The following DAB2IP variants were observed in gnomAD, a reference collection of about 807,000 sequenced individuals.
DAB2IP encodes the protein DAB2 interacting protein, also known as disabled homolog 2-interacting protein.
DAB2IP carries 28 observed loss-of-function variants against 107.2 expected under a neutral mutation model. That is an observed-to-expected ratio of 0.26 (90% CI 0.19 to 0.36). The LOEUF (loss-of-function observed/expected upper bound fraction) is 0.36. Ranked by LOEUF, DAB2IP falls within the 10% of genes least tolerant of loss-of-function variation. The pLI, the probability that DAB2IP is intolerant of heterozygous loss-of-function variation, is 1.00. For synonymous variants in DAB2IP, 755 were observed against 706.4 expected (o/e 1.07, Z -1.09); for missense variants, 1,400 against 1,644.7 (o/e 0.85, Z 2.57).
chr9:121,618,557 C>T (rs760933436), intron 1 of DAB2IP, among the ~76,000 whole-genome samples: 3 of 152,282 alleles, frequency 2.0e-5, no homozygotes, highest in South Asian at 2.1e-4. Context: ...GAGAGGGTTT[C>T]GCCATGTTGG....
At chr9:121,605,160 C>CT (rs1564695945) in intron 1 of DAB2IP, among the ~76,000 whole-genome samples, 18 of 151,924 alleles carry the variant, frequency 1.2e-4, no homozygotes, top group Middle Eastern at 6.8e-3. Context: ...GTTGGGACTA[C>CT]AGGTGCTCGC....
intron 3 of DAB2IP, among the ~76,000 whole-genome samples, chr9:121,747,528 T>G (rs1252306199): frequency 6.6e-6 from 1 of 152,078 alleles, no homozygotes; most frequent in Non-Finnish European, 1.5e-5. Context: ...TTTGTATTTT[T>G]GGTAGAGATG....
At chr9:121,578,224 A>C (rs1042970365) in intron 1 of DAB2IP, among the ~76,000 whole-genome samples, 6 of 151,634 alleles carry the variant, frequency 4.0e-5, no homozygotes, top group African/African-American at 1.5e-4. Context: ...CTCTGGGTCT[A>C]TCTCTGTCTC....
chr9:121,690,283 A>G (rs1054622701), intron 2 of DAB2IP, among the ~76,000 whole-genome samples: 1 of 151,000 alleles, frequency 6.6e-6, no homozygotes, highest in African/African-American at 2.5e-5. Flanking sequence ...AATGAGCACT[A>G]AAGTCAGCAA....
chr9:121,733,333 G>A (rs769125662), intron 3 of DAB2IP, among the ~76,000 whole-genome samples: 1 of 152,240 alleles, frequency 6.6e-6, no homozygotes, highest in Non-Finnish European at 1.5e-5. Flanking sequence ...CTCTCCCCAC[G>A]GGATGTACAG....
chr9:121,668,069 C>T (rs945910056), intron 1 of DAB2IP, among the ~76,000 whole-genome samples: 1 of 152,182 alleles, frequency 6.6e-6, no homozygotes, highest in Admixed American at 6.5e-5. Flanking sequence ...GGGAAACCGC[C>T]CCCATGATCT....
intron 3 of DAB2IP, among the ~76,000 whole-genome samples, chr9:121,730,378 G>C (rs1238996159): frequency 1.3e-5 from 2 of 152,188 alleles, no homozygotes; most frequent in African/African-American, 4.8e-5. Context: ...ATCACCCGCC[G>C]GGTCTGTTGC....
At chr9:121,641,088 G>A (rs1832271862) in intron 1 of DAB2IP, among the ~76,000 whole-genome samples, 1 of 152,080 alleles carries the variant, frequency 6.6e-6, no homozygotes, top group South Asian at 2.1e-4. Flanking sequence ...GGCTATGGGG[G>A]ATGCTGATAT....
rs1023877785 is a variant in DAB2IP, at chr9:121,760,606, T to C, written c.1170+167T>C. ...GTTCTATCGTGGGCTGGGGGTTTTG[T>C]ACTCCTGCTCTGTGGCTGGAGCTGA... On this transcript the variant is annotated intron_variant, in intron 6 of 15. Coordinates refer to ENST00000408936, the Ensembl canonical transcript of DAB2IP. The surrounding 1 kb of genome is among the most constrained non-coding windows in gnomAD (Gnocchi z 5.9). Among the ~76,000 whole-genome samples the C allele has an allele frequency of 6.6e-6, 1 of 152,154 alleles. No individual in the cohort carries two copies. Among genetic ancestry groups the C allele is most frequent in the Admixed American group, 6.5e-5 (1 of 15,278 alleles).
At chr9:121,669,991 A>G (rs924764004) in intron 1 of DAB2IP, among the ~76,000 whole-genome samples, 27 of 152,140 alleles carry the variant, frequency 1.8e-4, no homozygotes, top group Non-Finnish European at 2.9e-5. Flanking sequence ...TTGAGTAACC[A>G]CCACTGCAAT....
At chr9:121,601,066 G>A (rs1400925099) in intron 1 of DAB2IP, among the ~76,000 whole-genome samples, 5 of 152,176 alleles carry the variant, frequency 3.3e-5, no homozygotes, top group Admixed American at 3.3e-4. Context: ...GGGTTTGTAG[G>A]CTCAGGTTTA....
At position 121,771,320 on chromosome 9, in the gene DAB2IP, TG is replaced by T. The variant is rs151006363; in HGVS notation, c.2078+597del. ...AAATAGAGACATTTCTATCAGTTCA[TG>T]TTGAAGCATTTCTGCTCTACCCCTA... On this transcript the variant is annotated intron_variant, in intron 11 of 15. Coordinates refer to ENST00000408936, the Ensembl canonical transcript of DAB2IP. 2.2e-3 allele frequency among the ~76,000 whole-genome samples: 331 copies of T among 152,286 alleles called. 1 individual carries two copies. The highest frequency in any genetic ancestry group is 5.8e-3 in the African/African-American group (240 of 41,562).
At chr9:121,649,128 C>G (rs960777744), upstream of DAB2IP, among the ~76,000 whole-genome samples, 1 of 152,164 alleles carries the variant, frequency 6.6e-6, no homozygotes, top group African/African-American at 2.4e-5. Flanking sequence ...GAGTACCTGC[C>G]CCAGGCCCGT....
In DAB2IP at chr9:121,651,933, C is replaced by G. The variant is rs1832760308; in HGVS notation, c.124+34C>G. ...CACCCCGACCCCTGACCCCTAGACC[C>G]TCCTAAGGCCACTAAGCCACCTGAT... On this transcript the variant is annotated intron_variant, in intron 1 of 15. Transcript: ENST00000408936. The surrounding 1 kb of genome is among the most constrained non-coding windows in gnomAD (Gnocchi z 5.1). The G allele has an allele frequency of 3.1e-6, 4 of 1,292,026 alleles. No individual in the cohort carries two copies. The highest frequency in any genetic ancestry group is 4.6e-5 in the South Asian group (2 of 43,430). 80.0% of individuals were successfully genotyped at this position (1,292,026 alleles called of 1,614,324 possible). A position where few individuals can be genotyped will look rare whatever the true frequency, so the allele number is the denominator to read the frequency against.
chr9:121,687,012 A>G (rs1405533312), intron 2 of DAB2IP, among the ~76,000 whole-genome samples: 1 of 151,968 alleles, frequency 6.6e-6, no homozygotes. Context: ...TCAGATGGAG[A>G]TGGAGGTGTC....
At chr9:121,764,796 A>G (rs1433686159) in intron 8 of DAB2IP, among the ~76,000 whole-genome samples, 1 of 152,014 alleles carries the variant, frequency 6.6e-6, no homozygotes. Context: ...TCCCCTGCAT[A>G]CACTCCTGCC....
rs1830325180 is a variant in DAB2IP at position 121,586,973 on chromosome 9, ACT to A, written c.40+19748_40+19749del. ...GAGTCAATTTGATTCAGCAAACATGACTCTGTGCCCACTGGGTGCCAGGCAGT... is the reference window on the plus strand; with the variant it reads ...GAGTCAATTTGATTCAGCAAACATGACTGTGCCCACTGGGTGCCAGGCAGT... On this transcript the variant is annotated intron_variant, in intron 1 of 16. Transcript: ENST00000259371. Among the ~76,000 whole-genome samples the A allele has an allele frequency of 2.6e-5, 4 of 152,040 alleles. No individual in the cohort carries two copies. The South Asian group carries it at 6.2e-4, about 24-fold the overall frequency.
chr9:121,632,561 C>T (rs1831935233), intron 1 of DAB2IP, among the ~76,000 whole-genome samples: 1 of 152,168 alleles, frequency 6.6e-6, no homozygotes, highest in African/African-American at 2.4e-5. Flanking sequence ...CTCTGCCCAG[C>T]TTTCCCTTAG....
At chr9:121,757,214 CCTGG>C in intron 4 of DAB2IP, 48 bp downstream of exon 4, 2 of 1,593,390 alleles carry the variant, frequency 1.3e-6, no homozygotes, top group African/African-American at 1.3e-5. Context: ...CCTCTCCTGG[CCTGG>C]CTGGTCTCCT....
Sources: gnomAD v4.1 joint callset for allele counts (sites outside exome capture counted in the v4.1 genomes callset) on GRCh38, gnomAD v4.1.1 for gene constraint, Gnocchi (gnomAD v3.1) non-coding constraint, MANE v1.5 for transcripts, NCBI Gene and HGNC (gene_info 2026-07-23, HGNC 2026-07-21) for gene names.